The following CAMK1D variants were observed in gnomAD, a reference collection of about 807,000 sequenced individuals.
The protein encoded by CAMK1D is calcium/calmodulin dependent protein kinase ID.
A neutral mutation model predicts 47.7 loss-of-function variants in CAMK1D; 9 were observed. The observed-to-expected ratio is 0.19, with a 90% confidence interval of 0.11 to 0.33. The LOEUF (loss-of-function observed/expected upper bound fraction) is 0.33. Ranked by LOEUF, CAMK1D falls within the 10% of genes least tolerant of loss-of-function variation. The probability of loss-of-function intolerance (pLI) is 1.00; values close to 1 mark genes in which losing one functional copy is unlikely to be tolerated. For synonymous variants in CAMK1D, 184 were observed against 184.9 expected, an observed-to-expected ratio of 0.99 and a Z score of 0.04; for missense variants, 291 against 488.7, an observed-to-expected ratio of 0.60 and a Z score of 3.81.
chr10:12,457,018 T>C (rs1001862621), intron 1 of CAMK1D, among the ~76,000 whole-genome samples: 31 of 152,038 alleles, frequency 2.0e-4, no homozygotes, highest in African/African-American at 7.3e-4. Flanking sequence ...TGGCCATCAG[T>C]CAATAAGGGA....
At chr10:12,815,941 T>C (rs1486090684) in intron 7 of CAMK1D, among the ~76,000 whole-genome samples, 1 of 152,214 alleles carries the variant, frequency 6.6e-6, no homozygotes, top group Non-Finnish European at 1.5e-5. Flanking sequence ...TAGAGGCACA[T>C]GATAACAAAG....
intron 1 of CAMK1D, among the ~76,000 whole-genome samples, chr10:12,427,468 A>G (rs1840272033): frequency 6.6e-6 from 1 of 152,068 alleles, no homozygotes; most frequent in Non-Finnish European, 1.5e-5. Context: ...CCGGCCCCCA[A>G]GCTGGAGGAC....
At chr10:12,579,182 A>G (rs1304954269) in intron 2 of CAMK1D, among the ~76,000 whole-genome samples, 1 of 152,106 alleles carries the variant, frequency 6.6e-6, no homozygotes, top group African/African-American at 2.4e-5. Flanking sequence ...ACAGCATGGT[A>G]TGGGCAGGGA....
intron 1 of CAMK1D, among the ~76,000 whole-genome samples, chr10:12,478,775 C>A (rs1487786922): frequency 6.6e-6 from 1 of 152,140 alleles, no homozygotes; most frequent in Non-Finnish European, 1.5e-5. Flanking sequence ...GCAGTAGGAT[C>A]TTAGCCTCTC....
At chr10:12,800,515 C>T (rs1191235484) in intron 6 of CAMK1D, among the ~76,000 whole-genome samples, 1 of 152,320 alleles carries the variant, frequency 6.6e-6, no homozygotes, top group East Asian at 1.9e-4. Context: ...CATGTGGGCA[C>T]ACTCTGACAT....
intron 3 of CAMK1D, among the ~76,000 whole-genome samples, chr10:12,742,331 C>T (rs546673975): frequency 3.0e-4 from 45 of 152,264 alleles, no homozygotes; most frequent in Middle Eastern, 3.4e-3. Flanking sequence ...GACGGGGTCT[C>T]ACCGTGTTGT....
intron 1 of CAMK1D, among the ~76,000 whole-genome samples, chr10:12,372,927 C>T (rs1233591752): frequency 3.3e-5 from 5 of 152,160 alleles, no homozygotes; most frequent in African/African-American, 1.2e-4. Context: ...CACTGTGCCT[C>T]ATGGGAGTAA....
At chr10:12,715,807 G>A (rs1168191751) in intron 3 of CAMK1D, among the ~76,000 whole-genome samples, 13 of 146,632 alleles carry the variant, frequency 8.9e-5, no homozygotes, top group Admixed American at 8.4e-4. Flanking sequence ...TGCAGCCTCC[G>A]CCTCCCGGGT....
At chr10:12,652,882 T>G (rs1047971255) in intron 2 of CAMK1D, among the ~76,000 whole-genome samples, 5 of 152,250 alleles carry the variant, frequency 3.3e-5, no homozygotes, top group African/African-American at 1.2e-4. Flanking sequence ...TGCTGCTCTT[T>G]TTAATTGTGA....
At chr10:12,584,702 C>T (rs956715974) in intron 2 of CAMK1D, among the ~76,000 whole-genome samples, 18 of 152,064 alleles carry the variant, frequency 1.2e-4, no homozygotes, top group African/African-American at 4.3e-4. Context: ...CATTTGTGGT[C>T]CCAACTATTA....
At chr10:12,588,864 A>ATATG (rs1259415756) in intron 2 of CAMK1D, among the ~76,000 whole-genome samples, 1 of 104,842 alleles carries the variant, frequency 9.5e-6, no homozygotes, top group African/African-American at 3.6e-5. Context: ...GTATATGTAT[A>ATATG]TATGTGTGTG....
intron 2 of CAMK1D, among the ~76,000 whole-genome samples, chr10:12,593,880 C>G (rs763302131): frequency 5.9e-5 from 9 of 152,106 alleles, no homozygotes; most frequent in Non-Finnish European, 1.2e-4. Context: ...TTGCCTTCTT[C>G]TCTCATTAAA....
Position 12,761,100 on chromosome 10 carries a change from T to C in CAMK1D, c.438+14T>C, listed in dbSNP as rs1373178246. 1 of 1,610,396 alleles carries C rather than the reference T, an allele frequency of 6.2e-7. No homozygotes were observed. Among genetic ancestry groups the C allele is most frequent in the Admixed American group, 1.7e-5 (1 of 59,936 alleles). On this transcript the variant is annotated intron_variant, in intron 4 of 10. Coordinates refer to ENST00000619168, the MANE Select transcript of CAMK1D (RefSeq NM_153498.4). ...AGAGACCTCAAGGTGAGGCCATCGC[T>C]CAGCAGCATCCTGCAGCCACTCTGC...
At chr10:12,413,987 C>G (rs1839759861) in intron 1 of CAMK1D, among the ~76,000 whole-genome samples, 1 of 152,124 alleles carries the variant, frequency 6.6e-6, no homozygotes, top group African/African-American at 2.4e-5. Context: ...GATATCTTTT[C>G]TCTCATGAAA....
chr10:12,746,342 C>T (rs1009893355), intron 3 of CAMK1D, among the ~76,000 whole-genome samples: 32 of 140,168 alleles, frequency 2.3e-4, no homozygotes, highest in Admixed American at 2.2e-4. Context: ...CCAGCCTGGG[C>T]GACAGAGCAA....
intron 1 of CAMK1D, among the ~76,000 whole-genome samples, chr10:12,537,529 G>A (rs1325559505): frequency 6.6e-6 from 1 of 152,184 alleles, no homozygotes; most frequent in African/African-American, 2.4e-5. Context: ...CCTTGCTGAG[G>A]TTTTGTTTAG....
Position 12,696,605 on chromosome 10 carries a change from T to C in CAMK1D, c.299+29795T>C, listed in dbSNP as rs140039263. On this transcript the variant is annotated intron_variant, in intron 3 of 10. Coordinates refer to ENST00000619168, the MANE Select transcript of CAMK1D (RefSeq NM_153498.4). Reference sequence around the variant, plus strand: ...AATGCTTTCACAAATAGCCGTCTCCTTCAGTTGTATATTCATATTCATGTT... The same window carrying C: ...AATGCTTTCACAAATAGCCGTCTCCCTCAGTTGTATATTCATATTCATGTT... Among the ~76,000 whole-genome samples the C allele has an allele frequency of 1.7e-3, 265 of 152,338 alleles. 1 individual carries two copies. Among genetic ancestry groups the C allele is most frequent in the Middle Eastern group, 0.017 (5 of 294 alleles).
At chr10:12,585,486 A>G (rs1837789443) in intron 2 of CAMK1D, among the ~76,000 whole-genome samples, 1 of 152,082 alleles carries the variant, frequency 6.6e-6, no homozygotes, top group Admixed American at 6.5e-5. Flanking sequence ...ATAAAGATAT[A>G]CTCGAGACTG....
intron 1 of CAMK1D, among the ~76,000 whole-genome samples, chr10:12,367,683 A>T (rs1837877448): frequency 6.6e-6 from 1 of 152,094 alleles, no homozygotes; most frequent in Non-Finnish European, 1.5e-5. Context: ...CACAGTTCAC[A>T]ACAGGGCTTG....
Sources: gnomAD v4.1 joint callset for allele counts (sites outside exome capture counted in the v4.1 genomes callset) on GRCh38, gnomAD v4.1.1 for gene constraint, MANE v1.5 for transcripts, NCBI Gene and HGNC (gene_info 2026-07-23, HGNC 2026-07-21) for gene names.